KIAA1328: variants seen among roughly 807,000 people sequenced by gnomAD.
KIAA1328 encodes KIAA1328.
In KIAA1328, 52 loss-of-function variants were observed where a neutral mutation model predicts 68.1. The ratio of observed to expected loss-of-function variants is 0.76; its 90% CI spans 0.61 to 0.96. The LOEUF (loss-of-function observed/expected upper bound fraction) is 0.96. Ranked by LOEUF, KIAA1328 falls within the 40% of genes least tolerant of loss-of-function variation. KIAA1328 has a pLI of 0.00. For missense variants in KIAA1328, 641 were observed against 677.6 expected, an observed-to-expected ratio of 0.95 and a Z score of 0.60; for synonymous variants, 232 against 239.4, an observed-to-expected ratio of 0.97 and a Z score of 0.28.
At chr18:37,058,858 G>A (rs1210006151) in intron 6 of KIAA1328, among the ~76,000 whole-genome samples, 1 of 151,942 alleles carries the variant, frequency 6.6e-6, no homozygotes, top group Non-Finnish European at 1.5e-5. Context: ...AGAGGTAGAG[G>A]GTACTAACTG....
chr18:37,199,086 T>C, intron 9 of KIAA1328, among the ~76,000 whole-genome samples: 1 of 151,708 alleles, frequency 6.6e-6, no homozygotes, highest in Admixed American at 6.6e-5. Flanking sequence ...AGAGGACATG[T>C]TTTTTGTTTT....
At chr18:37,012,168 T>C (rs2054001690) in intron 6 of KIAA1328, among the ~76,000 whole-genome samples, 1 of 152,190 alleles carries the variant, frequency 6.6e-6, no homozygotes, top group Non-Finnish European at 1.5e-5. Context: ...ACTAATATAC[T>C]AAGACAGTAA....
intron 7 of KIAA1328, among the ~76,000 whole-genome samples, chr18:37,090,995 C>A (rs534021443): frequency 6.6e-6 from 1 of 151,982 alleles, no homozygotes; most frequent in Admixed American, 6.6e-5. Flanking sequence ...ATGATGAATA[C>A]GAAGTAATAC....
At chr18:37,074,582 C>T (rs1366114149) in intron 7 of KIAA1328, among the ~76,000 whole-genome samples, 1 of 152,218 alleles carries the variant, frequency 6.6e-6, no homozygotes, top group African/African-American at 2.4e-5. Flanking sequence ...CAGTTGATCG[C>T]ATCGGCTCCT....
chr18:36,888,549 G>A (rs1246628), intron 5 of KIAA1328, among the ~76,000 whole-genome samples: 118,126 of 152,034 alleles, frequency 0.78, 46,602 homozygotes, highest in African/African-American at 0.91. Context: ...AAAATATTTT[G>A]GTTGGTAAAA....
At chr18:37,217,711 G>A (rs984898734) in intron 9 of KIAA1328, among the ~76,000 whole-genome samples, 1 of 152,064 alleles carries the variant, frequency 6.6e-6, no homozygotes, top group East Asian at 1.9e-4. Context: ...TTGAATGTTG[G>A]CCTGCCTTGC....
intron 7 of KIAA1328, among the ~76,000 whole-genome samples, chr18:37,104,833 C>A (rs1430539864): frequency 1.3e-5 from 2 of 152,002 alleles, no homozygotes; most frequent in Non-Finnish European, 2.9e-5. Flanking sequence ...AAATTTTAAT[C>A]ATATCAAAAA....
At chr18:37,051,258 C>T (rs948896875) in intron 6 of KIAA1328, among the ~76,000 whole-genome samples, 1 of 150,914 alleles carries the variant, frequency 6.6e-6, no homozygotes, top group Non-Finnish European at 1.5e-5. Context: ...TAAAAAGGGT[C>T]GGTGAAACAG....
At position 37,089,526 on chromosome 18, in the gene KIAA1328, C is replaced by T. The variant is rs146428436; in HGVS notation, c.1232+21981C>T. ...AGTAGCTGGGACTACAGGTGCACGC[C>T]GCCATGCCCGGCTAATTTTTGTATT... On this transcript the variant is annotated intron_variant, in intron 7 of 9. Coordinates refer to ENST00000280020, the MANE Select transcript of KIAA1328 (RefSeq NM_020776.3). 8.6e-3 allele frequency among the ~76,000 whole-genome samples: 1,309 copies of T among 152,080 alleles called. 14 individuals carry two copies. Among genetic ancestry groups the T allele is most frequent in the African/African-American group, 0.028 (1,150 of 41,484 alleles).
At chr18:36,946,853 A>C (rs2050923428) in intron 5 of KIAA1328, among the ~76,000 whole-genome samples, 1 of 152,224 alleles carries the variant, frequency 6.6e-6, no homozygotes. Context: ...TATTCTTAAA[A>C]GAGAACTCTG....
intron 7 of KIAA1328, among the ~76,000 whole-genome samples, chr18:37,085,119 T>C (rs1221039919): frequency 6.6e-6 from 1 of 152,132 alleles, no homozygotes; most frequent in Non-Finnish European, 1.5e-5. Context: ...TGGGCTGGTC[T>C]GGAATCTGAG....
At chr18:36,973,250 C>T (rs2052307001) in intron 6 of KIAA1328, among the ~76,000 whole-genome samples, 3 of 151,736 alleles carry the variant, frequency 2.0e-5, no homozygotes, top group Admixed American at 2.0e-4. Context: ...CGCATGTTCT[C>T]ACTCATAGGT....
chr18:37,015,761 T>A (rs2054131248), intron 6 of KIAA1328, among the ~76,000 whole-genome samples: 1 of 152,188 alleles, frequency 6.6e-6, no homozygotes, highest in African/African-American at 2.4e-5. Context: ...TGTATGAGGC[T>A]ATTGTAAATG....
At chr18:36,911,839 G>C (rs1031560229) in intron 5 of KIAA1328, among the ~76,000 whole-genome samples, 1 of 152,080 alleles carries the variant, frequency 6.6e-6, no homozygotes, top group Non-Finnish European at 1.5e-5. Flanking sequence ...GCATGTAAAG[G>C]CTTAGCACAG....
At chr18:36,928,767 T>C (rs1351426950) in intron 5 of KIAA1328, among the ~76,000 whole-genome samples, 2 of 152,192 alleles carry the variant, frequency 1.3e-5, no homozygotes, top group Admixed American at 6.5e-5. Context: ...CTTTGGTCTG[T>C]GTTGTTGTGT....
intron 7 of KIAA1328, among the ~76,000 whole-genome samples, chr18:37,076,588 A>G (rs1161516222): frequency 1.3e-5 from 2 of 151,812 alleles, no homozygotes; most frequent in Admixed American, 1.3e-4. Context: ...GACCGCTAGC[A>G]AGACTAATAA....
At chr18:37,177,714 G>A (rs1334160991) in intron 9 of KIAA1328, among the ~76,000 whole-genome samples, 1 of 151,994 alleles carries the variant, frequency 6.6e-6, no homozygotes, top group African/African-American at 2.4e-5. Flanking sequence ...AGTTACTGGT[G>A]GGGAGAGGTG....
At position 36,880,024 on chromosome 18, in the gene KIAA1328, T is replaced by C. The variant is rs534794223; in HGVS notation, c.333-5533T>C. ...TCAGCTCCCAGGCTTCAGCTCCCTT[T>C]CCAGGGGAGTGAATGGTTCTGTCTT... On this transcript the variant is annotated intron_variant, in intron 4 of 9. Transcript: ENST00000280020. Among the ~76,000 whole-genome samples, 9 of 152,258 alleles carry C rather than the reference T, an allele frequency of 5.9e-5. No individual in the cohort carries two copies. The South Asian group carries it at 1.7e-3, about 28-fold the overall frequency.
intron 6 of KIAA1328, among the ~76,000 whole-genome samples, chr18:37,041,454 A>C (rs1364617075): frequency 6.6e-6 from 1 of 151,640 alleles, no homozygotes; most frequent in Non-Finnish European, 1.5e-5. Flanking sequence ...TATGGACCAC[A>C]TACATTTGGA....
Sources: gnomAD v4.1 joint callset for allele counts (sites outside exome capture counted in the v4.1 genomes callset) on GRCh38, gnomAD v4.1.1 for gene constraint, MANE v1.5 for transcripts, NCBI Gene and HGNC (gene_info 2026-07-23, HGNC 2026-07-21) for gene names.